The following FBXW7 variants were observed in gnomAD, a reference collection of about 807,000 sequenced individuals.
The protein encoded by FBXW7 is F-box/WD repeat-containing protein 7.
FBXW7 carries 11 observed loss-of-function variants against 86.3 expected under a neutral mutation model. That is an observed-to-expected ratio of 0.13 (90% CI 0.08 to 0.21). The LOEUF is 0.21. FBXW7 is among the 10% of genes least tolerant of loss of function. The pLI, the probability that FBXW7 is intolerant of heterozygous loss-of-function variation, is 1.00. For missense variants in FBXW7, 488 were observed against 847.4 expected, an observed-to-expected ratio of 0.58 and a Z score of 5.27; for synonymous variants, 313 against 297.9, an observed-to-expected ratio of 1.05 and a Z score of -0.52.
chr4:152,449,764 C>T (rs1412974427), intron 2 of FBXW7, among the ~76,000 whole-genome samples: 1 of 152,178 alleles, frequency 6.6e-6, no homozygotes, highest in Non-Finnish European at 1.5e-5. Flanking sequence ...AGCATTCTAC[C>T]TTTGCCAATA....
intron 2 of FBXW7, among the ~76,000 whole-genome samples, chr4:152,524,558 G>A (rs1478759410): frequency 1.3e-5 from 2 of 151,970 alleles, no homozygotes. Context: ...CATTTCAAAG[G>A]GTGACAGATA....
At chr4:152,480,136 C>T (rs1253611997) in intron 2 of FBXW7, among the ~76,000 whole-genome samples, 2 of 152,124 alleles carry the variant, frequency 1.3e-5, no homozygotes, top group Non-Finnish European at 2.9e-5. Context: ...TGCAACCCTG[C>T]ATTGGGCAAG....
At chr4:152,352,740 C>A (rs1324346429) in intron 4 of FBXW7, 1 of 1,612,388 alleles carries the variant, frequency 6.2e-7, no homozygotes, top group Non-Finnish European at 8.5e-7. Flanking sequence ...TACATACATG[C>A]AGCTTGACTG....
intron 2 of FBXW7, among the ~76,000 whole-genome samples, chr4:152,418,823 T>C (rs945020833): frequency 7.9e-5 from 12 of 152,082 alleles, no homozygotes; most frequent in African/African-American, 2.9e-4. Flanking sequence ...CAGTTGAAAA[T>C]GAAATTAACA....
intron 2 of FBXW7, among the ~76,000 whole-genome samples, chr4:152,503,885 A>G (rs1747174469): frequency 6.6e-6 from 1 of 152,240 alleles, no homozygotes; most frequent in East Asian, 1.9e-4. Flanking sequence ...CTATGTAAAG[A>G]GTTGAATTGT....
chr4:152,374,620 G>A (rs952015611), intron 4 of FBXW7, among the ~76,000 whole-genome samples: 3 of 151,894 alleles, frequency 2.0e-5, no homozygotes, highest in East Asian at 3.8e-4. Flanking sequence ...AGCATAAAAA[G>A]GTATTAAAAA....
intron 2 of FBXW7, among the ~76,000 whole-genome samples, chr4:152,426,370 T>A (rs966756914): frequency 4.5e-5 from 6 of 133,134 alleles, no homozygotes; most frequent in Non-Finnish European, 8.0e-5. Context: ...TTTTTTTTTT[T>A]AAACAGTCTC....
At chr4:152,335,405 C>G (rs1729971563) in intron 7 of FBXW7, among the ~76,000 whole-genome samples, 1 of 152,004 alleles carries the variant, frequency 6.6e-6, no homozygotes, top group Non-Finnish European at 1.5e-5. Flanking sequence ...GAGTTTGAGG[C>G]TGCAGTGAGC....
At chr4:152,391,634 G>A (rs144105709) in intron 4 of FBXW7, among the ~76,000 whole-genome samples, 1 of 152,108 alleles carries the variant, frequency 6.6e-6, no homozygotes, top group Non-Finnish European at 1.5e-5. Context: ...CAATGATAAG[G>A]GGAAGAGATT....
At chr4:152,509,112 G>A (rs1159356868) in intron 2 of FBXW7, among the ~76,000 whole-genome samples, 2 of 152,100 alleles carry the variant, frequency 1.3e-5, no homozygotes, top group African/African-American at 4.8e-5. Flanking sequence ...TCAGGTTAAA[G>A]AAAACTAAGA....
At chr4:152,352,835 T>TC in intron 4 of FBXW7, 1 of 1,527,994 alleles carries the variant, frequency 6.5e-7, no homozygotes, top group Non-Finnish European at 8.7e-7. Flanking sequence ...CTGAACAGAT[T>TC]CCTCCCTCAG....
intron 4 of FBXW7, among the ~76,000 whole-genome samples, chr4:152,363,821 CAG>C (rs761472270): frequency 2.0e-5 from 3 of 152,050 alleles, no homozygotes; most frequent in Admixed American, 1.3e-4. Context: ...GAAAGAGGCA[CAG>C]AGAGTTTTAA....
At chr4:152,403,010 A>G (rs1044481766) in intron 4 of FBXW7, among the ~76,000 whole-genome samples, 2 of 152,226 alleles carry the variant, frequency 1.3e-5, no homozygotes, top group African/African-American at 4.8e-5. Flanking sequence ...GGCCTTGGTG[A>G]TCTCAAAGGT....
At chr4:152,408,241 C>G (rs1737605964) in intron 4 of FBXW7, among the ~76,000 whole-genome samples, 1 of 152,276 alleles carries the variant, frequency 6.6e-6, no homozygotes, top group East Asian at 1.9e-4. Context: ...GCCTAATAAT[C>G]ATCTCATTTG....
At position 152,518,307 on chromosome 4, in the gene FBXW7, T is replaced by C. The variant is rs1005117062; in HGVS notation, c.-120+16634A>G. On this transcript the variant is annotated intron_variant, in intron 2 of 13. Coordinates refer to ENST00000281708, the MANE Select transcript of FBXW7 (RefSeq NM_001349798.2). ...CCCAGCCTACTATTTTATTTATTTA[T>C]ATATTTGAAACAGGGTCTTGCTCTC... 5.3e-5 allele frequency among the ~76,000 whole-genome samples: 8 copies of C among 152,180 alleles called. No homozygotes were observed. In the East Asian group the frequency reaches 1.2e-3, roughly 22 times the overall value.
chr4:152,407,776 A>G (rs908725734), intron 4 of FBXW7, among the ~76,000 whole-genome samples: 2 of 152,046 alleles, frequency 1.3e-5, no homozygotes, highest in Non-Finnish European at 2.9e-5. Flanking sequence ...TGTGGCCCAG[A>G]TCACTGCAGC....
chr4:152,431,898 T>A (rs1739926477), intron 2 of FBXW7, among the ~76,000 whole-genome samples: 1 of 152,150 alleles, frequency 6.6e-6, no homozygotes, highest in Non-Finnish European at 1.5e-5. Flanking sequence ...CTAAAATGAT[T>A]GTGAGGCAGA....
chr4:152,334,102 G>A (rs1359110026), intron 7 of FBXW7, among the ~76,000 whole-genome samples: 3 of 152,030 alleles, frequency 2.0e-5, no homozygotes, highest in Non-Finnish European at 2.9e-5. Context: ...AATTACATAT[G>A]TATTGAGTAT....
chr4:152,468,053 G>A (rs1743617657), intron 2 of FBXW7, among the ~76,000 whole-genome samples: 1 of 151,922 alleles, frequency 6.6e-6, no homozygotes, highest in African/African-American at 2.4e-5. Flanking sequence ...CATGTGAAAT[G>A]ATGCTTATCA....
Sources: allele counts gnomAD v4.1 joint callset (sites outside exome capture counted in the v4.1 genomes callset), GRCh38; gene constraint gnomAD v4.1.1; transcripts MANE v1.5; gene names NCBI Gene and HGNC (gene_info 2026-07-23, HGNC 2026-07-21).